Variants in LRRC37A observed in about 807,000 individuals in gnomAD.
The protein encoded by LRRC37A is leucine rich repeat containing 37A.
A neutral mutation model predicts 35.4 loss-of-function variants in LRRC37A; 3 were observed. The observed-to-expected ratio is 0.08, with a 90% CI of 0.04 to 0.22. LRRC37A has a LOEUF of 0.22. LRRC37A is among the 10% of genes least tolerant of loss of function. LRRC37A has a pLI of 1.00. For missense variants in LRRC37A, 67 were observed against 565.3 expected (o/e 0.12, Z 8.94); for synonymous variants, 23 against 215.0 (o/e 0.11, Z 7.81).
In LRRC37A at chr17:46,312,308, A is replaced by C. The variant is rs1312863931; in HGVS notation, c.2906+5999A>C. 3.1e-4 allele frequency among the ~76,000 whole-genome samples: 5 copies of C among 16,206 alleles called. 2 individuals are homozygous for C. Among genetic ancestry groups the C allele is most frequent in the African/African-American group, 4.1e-4 (5 of 12,088 alleles). 10.6% of individuals were successfully genotyped at this position (16,206 alleles called of 152,430 possible). The stretch of plus-strand genomic sequence containing the variant: ...ATTAGGGACAAATGCAAAGATCCTA[A>C]TGTCAGCTGGAGAAGAGCTTCCTAG... On this transcript the variant is annotated intron_variant, in intron 5 of 13. Coordinates refer to ENST00000320254, the Ensembl canonical transcript of LRRC37A.
the LRRC37A span, among the ~76,000 whole-genome samples, chr17:46,266,860 C>T: frequency 2.1e-3 from 319 of 150,648 alleles, 1 homozygote; most frequent in African/African-American, 7.4e-3. Flanking sequence ...CGTCGCCGCG[C>T]CGCGGGCCCG....
chr17:46,276,790 C>CTTTTTTTTTTTTTTTTTTA, the LRRC37A span, among the ~76,000 whole-genome samples: 3 of 134,316 alleles, frequency 2.2e-5, no homozygotes, highest in Non-Finnish European at 3.2e-5. Flanking sequence ...TTCTTTTTTT[C>CTTTTTTTTTTTTTTTTTTA]TTTTTTTTTT....
At chr17:46,254,376 C>A in the LRRC37A span, among the ~76,000 whole-genome samples, 5 of 149,856 alleles carry the variant, frequency 3.3e-5, no homozygotes, top group Admixed American at 6.7e-5. Flanking sequence ...CAACTGGAAG[C>A]CGAGGCTGGC....
the LRRC37A span, among the ~76,000 whole-genome samples, chr17:46,262,385 T>C: frequency 2.1e-5 from 3 of 145,252 alleles, no homozygotes; most frequent in Admixed American, 7.1e-5. Context: ...TCTTCTTCTT[T>C]TTTAATTAAT....
At chr17:46,249,046 T>A in the LRRC37A span, among the ~76,000 whole-genome samples, 2 of 152,170 alleles carry the variant, frequency 1.3e-5, no homozygotes, top group African/African-American at 4.8e-5. Context: ...CTGTATTAGG[T>A]ATTTAAAGTA....
At chr17:46,281,676 C>T in the LRRC37A span, among the ~76,000 whole-genome samples, 1 of 152,152 alleles carries the variant, frequency 6.6e-6, no homozygotes, top group South Asian at 2.1e-4. Flanking sequence ...GTGAGAGTCT[C>T]ACTGTCACCC....
chr17:46,273,285 T>C, the LRRC37A span, among the ~76,000 whole-genome samples: 1 of 152,230 alleles, frequency 6.6e-6, no homozygotes. Flanking sequence ...GACAAAATAA[T>C]CCATATTTAA....
chr17:46,282,517 T>A, the LRRC37A span, among the ~76,000 whole-genome samples: 1 of 149,146 alleles, frequency 6.7e-6, no homozygotes, highest in Non-Finnish European at 1.5e-5. Context: ...TGTACTCAAG[T>A]GATTCTCCTG....
chr17:46,275,299 T>C, the LRRC37A span: 1 of 696,448 alleles, frequency 1.4e-6, no homozygotes, highest in Admixed American at 2.8e-5. Context: ...ATAGCCTCAC[T>C]AAAAAGATCT....
the LRRC37A span, among the ~76,000 whole-genome samples, chr17:46,262,241 C>T: frequency 0.13 from 19,423 of 152,070 alleles, no homozygotes; most frequent in Middle Eastern, 0.2. Flanking sequence ...TGAGCCACTG[C>T]ACCGGGCCTC....
chr17:46,290,295 A>C (rs1307018475), upstream of LRRC37A, among the ~76,000 whole-genome samples: 3 of 152,034 alleles, frequency 2.0e-5, no homozygotes, highest in African/African-American at 4.8e-5. Context: ...AACACCCAGC[A>C]AATTCCTTTT....
In LRRC37A at chr17:46,307,825, C is replaced by T. The variant is rs2050620092; in HGVS notation, c.2906+1516C>T. The stretch of plus-strand genomic sequence containing the variant: ...GTCAGGAGTTCAAGACCAGCCTGAC[C>T]AACATGGTGAAACCTGTCTCTACTA... On this transcript the variant is annotated intron_variant, in intron 5 of 13. Coordinates refer to ENST00000320254, the Ensembl canonical transcript of LRRC37A. Among the ~76,000 whole-genome samples the T allele has an allele frequency of 2.6e-5, 2 of 78,102 alleles. 1 individual carries two copies. The highest frequency in any genetic ancestry group is 7.8e-5 in the Non-Finnish European group (2 of 25,734). The allele number at this position is 78,102 out of a possible 152,430, so 51.2% of individuals were successfully genotyped here.
chr17:46,262,677 T>C, the LRRC37A span, among the ~76,000 whole-genome samples: 1 of 151,932 alleles, frequency 6.6e-6, no homozygotes, highest in Non-Finnish European at 1.5e-5. Context: ...TCCCAGCTAC[T>C]TGGGAGGCTG....
At chr17:46,267,627 G>C in the LRRC37A span, 2 of 1,436,776 alleles carry the variant, frequency 1.4e-6, no homozygotes, top group African/African-American at 2.9e-5. Context: ...TGGGACGGAT[G>C]GGGGACAGTA....
the LRRC37A span, among the ~76,000 whole-genome samples, chr17:46,280,569 C>CTTTTTTTT: frequency 1.3e-4 from 15 of 112,014 alleles, 1 homozygote; most frequent in Non-Finnish European, 2.2e-4. Context: ...TGATAGCACA[C>CTTTTTTTT]TTTTTTTTTT....
chr17:46,304,860 CTTGT>C (rs1295057613), intron 3 of LRRC37A, among the ~76,000 whole-genome samples: 7 of 59,742 alleles, frequency 1.2e-4, no homozygotes, highest in African/African-American at 2.3e-4. Context: ...AAATGTGAGA[CTTGT>C]TTGTTTGTTT....
chr17:46,305,016 GT>G (rs2050481903), intron 3 of LRRC37A, among the ~76,000 whole-genome samples: 2 of 83,852 alleles, frequency 2.4e-5, no homozygotes, highest in East Asian at 6.5e-4. Context: ...CTACAGGCAC[GT>G]GCCACTAGGC....
chr17:46,289,213 C>T (rs2532248), upstream of LRRC37A, among the ~76,000 whole-genome samples: 10,594 of 136,828 alleles, frequency 0.077, no homozygotes, highest in Non-Finnish European at 0.12. Flanking sequence ...ATAAGAGTCT[C>T]ACTTTGTCAC....
At chr17:46,249,967 A>C in the LRRC37A span, among the ~76,000 whole-genome samples, 1 of 152,060 alleles carries the variant, frequency 6.6e-6, no homozygotes, top group Non-Finnish European at 1.5e-5. Flanking sequence ...ACCATGCCCG[A>C]CTAGTTCTTT....
Sources: gnomAD v4.1 joint callset for allele counts (sites outside exome capture counted in the v4.1 genomes callset) on GRCh38, gnomAD v4.1.1 for gene constraint, MANE v1.5 for transcripts, NCBI Gene and HGNC (gene_info 2026-07-23, HGNC 2026-07-21) for gene names.